The following PPP2R5E variants were observed in gnomAD, a reference collection of about 807,000 sequenced individuals.
The protein encoded by PPP2R5E is serine/threonine-protein phosphatase 2A 56 kDa regulatory subunit epsilon isoform.
Under a neutral mutation model 65.3 loss-of-function variants are expected in PPP2R5E, and 4 were observed. The ratio of observed to expected loss-of-function variants is 0.06; its 90% confidence interval spans 0.03 to 0.14. The LOEUF is 0.14. PPP2R5E is among the 10% of genes least tolerant of loss of function. PPP2R5E has a pLI of 1.00. For missense variants in PPP2R5E, 274 were observed against 556.1 expected (o/e 0.49, Z 5.10); for synonymous variants, 183 against 187.4 (o/e 0.98, Z 0.19).
At chr14:63,381,216 T>C (rs1449004139) in intron 13 of PPP2R5E, among the ~76,000 whole-genome samples, 1 of 152,218 alleles carries the variant, frequency 6.6e-6, no homozygotes, top group Non-Finnish European at 1.5e-5. Flanking sequence ...TGTTCTCCCA[T>C]ATGGTCTCAA....
chr14:63,392,062 T>C, intron 8 of PPP2R5E, 37 bp from the exon 9 acceptor site: 8 of 1,520,812 alleles, frequency 5.3e-6, no homozygotes, highest in Non-Finnish European at 7.1e-6. Flanking sequence ...AAATTTTAAA[T>C]TCTATACAGT....
chr14:63,444,054 G>A (rs1012063531), intron 3 of PPP2R5E, among the ~76,000 whole-genome samples: 5 of 152,142 alleles, frequency 3.3e-5, no homozygotes, highest in East Asian at 1.9e-4. Flanking sequence ...ATGTCACTCC[G>A]CCACACAGAA....
chr14:63,496,702 C>G (rs1891589193), intron 2 of PPP2R5E, among the ~76,000 whole-genome samples: 1 of 151,986 alleles, frequency 6.6e-6, no homozygotes, highest in South Asian at 2.1e-4. Context: ...TCTAATTTTC[C>G]TTTTCAATTT....
intron 2 of PPP2R5E, among the ~76,000 whole-genome samples, chr14:63,515,568 T>C (rs1026474578): frequency 6.6e-6 from 1 of 152,146 alleles, no homozygotes; most frequent in African/African-American, 2.4e-5. Flanking sequence ...TCTCACTCTG[T>C]AGCCCAGACT....
intron 3 of PPP2R5E, among the ~76,000 whole-genome samples, chr14:63,430,377 G>GCATACATACATA (rs60123490): frequency 8.0e-5 from 11 of 137,024 alleles, no homozygotes; most frequent in African/African-American, 3.2e-4. Context: ...ATACATGCAT[G>GCATACATACATA]CATACATACA....
At chr14:63,419,922 A>C (rs1174554764) in intron 4 of PPP2R5E, among the ~76,000 whole-genome samples, 1 of 152,226 alleles carries the variant, frequency 6.6e-6, no homozygotes, top group East Asian at 1.9e-4. Flanking sequence ...CTAATGGTTA[A>C]TATTCCTGCA....
intron 2 of PPP2R5E, among the ~76,000 whole-genome samples, chr14:63,455,212 A>G (rs1281330221): frequency 6.6e-6 from 1 of 152,156 alleles, no homozygotes; most frequent in Non-Finnish European, 1.5e-5. Flanking sequence ...CACAGGACCC[A>G]CCAGGCTCCT....
chr14:63,503,637 TTC>T (rs2139675734), intron 2 of PPP2R5E, among the ~76,000 whole-genome samples: 1 of 152,350 alleles, frequency 6.6e-6, no homozygotes, highest in East Asian at 1.9e-4. Context: ...GTTTTAGATG[TTC>T]TGTTTCAATA....
chr14:63,469,508 C>G (rs1223284343), intron 2 of PPP2R5E, among the ~76,000 whole-genome samples: 2 of 152,036 alleles, frequency 1.3e-5, no homozygotes, highest in Non-Finnish European at 2.9e-5. Context: ...CTGGCTAACA[C>G]GGTGAAAACC....
At chr14:63,486,889 T>C (rs1042896032) in intron 2 of PPP2R5E, among the ~76,000 whole-genome samples, 1 of 152,232 alleles carries the variant, frequency 6.6e-6, no homozygotes, top group African/African-American at 2.4e-5. Flanking sequence ...TCTCCCATCC[T>C]TTGAGCTGCA....
intron 4 of PPP2R5E, among the ~76,000 whole-genome samples, chr14:63,415,665 A>C (rs930738208): frequency 2.6e-5 from 4 of 152,176 alleles, no homozygotes; most frequent in Middle Eastern, 3.2e-3. Flanking sequence ...CATTTAAACA[A>C]TGTATTATGA....
chr14:63,413,787 T>C (rs1233322492), intron 5 of PPP2R5E, among the ~76,000 whole-genome samples: 1 of 152,234 alleles, frequency 6.6e-6, no homozygotes, highest in African/African-American at 2.4e-5. Flanking sequence ...CACGTATCCA[T>C]CTATTTACCT....
intron 3 of PPP2R5E, among the ~76,000 whole-genome samples, chr14:63,430,618 A>G (rs1415073938): frequency 1.3e-5 from 2 of 152,204 alleles, no homozygotes; most frequent in Non-Finnish European, 2.9e-5. Context: ...AATTAATTAT[A>G]GATAATTATT....
At chr14:63,382,473 C>T (rs903784412) in intron 12 of PPP2R5E, among the ~76,000 whole-genome samples, 4 of 151,076 alleles carry the variant, frequency 2.6e-5, no homozygotes, top group African/African-American at 9.8e-5. Context: ...ACCATCTTGG[C>T]TCACCGCAAC....
Position 63,429,730 on chromosome 14 carries a change from C to T in PPP2R5E, c.355-7636G>A, listed in dbSNP as rs191953397. Among the ~76,000 whole-genome samples the T allele has an allele frequency of 3.7e-3, 566 of 151,792 alleles. 2 individuals carry two copies. The highest frequency in any genetic ancestry group is 0.013 in the African/African-American group (534 of 41,378). ...CAGATTTTCATGCTTGTTGCCCAGG[C>T]TGGAGTGCAATGGCACCATCTTGGC... On this transcript the variant is annotated intron_variant, in intron 3 of 13. Coordinates refer to ENST00000337537, the MANE Select transcript of PPP2R5E (RefSeq NM_006246.5).
chr14:63,469,049 T>C (rs1252423953), intron 2 of PPP2R5E, among the ~76,000 whole-genome samples: 1 of 152,194 alleles, frequency 6.6e-6, no homozygotes, highest in African/African-American at 2.4e-5. Flanking sequence ...CACGAATTTG[T>C]TTAGAATCTA....
chr14:63,520,859 C>CAAAAAAAAAA lies in PPP2R5E; in HGVS notation c.157+18660_157+18669dup, dbSNP rs748146106. On this transcript the variant is annotated intron_variant, in intron 2 of 13. Transcript: ENST00000337537. ...TGAAACCTCATCTCTACTAAAAATACAAAAAAAAAAAAAAAAAAAAAAAAA... is the reference window on the plus strand; with the variant it reads ...TGAAACCTCATCTCTACTAAAAATACAAAAAAAAAAAAAAAAAAAAAAAAAAAAAAAAAAA... Among the ~76,000 whole-genome samples, 93 of 58,524 alleles carry CAAAAAAAAAA rather than the reference C, an allele frequency of 1.6e-3. 3 individuals carry two copies. Among genetic ancestry groups the CAAAAAAAAAA allele is most frequent in the Middle Eastern group, 0.011 (1 of 94 alleles). 38.4% of individuals were successfully genotyped at this position (58,524 alleles called of 152,430 possible).
chr14:63,426,699 C>CAAAAAAAAA (rs1191603099), intron 3 of PPP2R5E, among the ~76,000 whole-genome samples: 1 of 54,792 alleles, frequency 1.8e-5, no homozygotes, highest in Non-Finnish European at 4.9e-5. Context: ...AAAGGCTTAT[C>CAAAAAAAAA]AAAAAAAAAA....
intron 2 of PPP2R5E, among the ~76,000 whole-genome samples, chr14:63,524,437 G>A (rs777131266): frequency 3.3e-4 from 50 of 152,128 alleles, no homozygotes; most frequent in Non-Finnish European, 6.0e-4. Flanking sequence ...AACCACCTTG[G>A]GCAGCATGAA....
Sources: gnomAD v4.1 joint callset for allele counts (sites outside exome capture counted in the v4.1 genomes callset) on GRCh38, gnomAD v4.1.1 for gene constraint, MANE v1.5 for transcripts, NCBI Gene and HGNC (gene_info 2026-07-23, HGNC 2026-07-21) for gene names.